MSI2: variants seen among roughly 807,000 people sequenced by gnomAD.
MSI2 encodes musashi RNA binding protein 2, also known as RNA-binding protein Musashi homolog 2.
Under a neutral mutation model 45.6 loss-of-function variants are expected in MSI2, and 17 were observed. The ratio of observed to expected loss-of-function variants is 0.37; its 90% CI spans 0.26 to 0.56. The LOEUF is 0.56. MSI2 is among the 20% of genes least tolerant of loss of function. MSI2 has a pLI of 0.77. For synonymous variants in MSI2, 156 were observed against 158.2 expected (o/e 0.99, Z 0.11); for missense variants, 293 against 444.2 (o/e 0.66, Z 3.06).
chr17:57,540,867 T>C (rs4793868), intron 7 of MSI2, among the ~76,000 whole-genome samples: 142,957 of 152,268 alleles, frequency 0.94, 67,231 homozygotes, highest in East Asian at 1. Flanking sequence ...TAGCTTGTTA[T>C]GGCAGCCCTA....
the MSI2 span, among the ~76,000 whole-genome samples, chr17:57,698,930 T>C: frequency 2.0e-5 from 3 of 149,288 alleles, no homozygotes; most frequent in African/African-American, 5.0e-5. Context: ...TGTGTGTGTG[T>C]GTGTGTGTGT....
intron 10 of MSI2, among the ~76,000 whole-genome samples, chr17:57,646,648 G>A (rs572212497): frequency 4.9e-4 from 74 of 152,196 alleles, no homozygotes; most frequent in Non-Finnish European, 7.9e-4. Flanking sequence ...CTGAAGGCTG[G>A]GCTTTGAGGC....
chr17:57,281,626 G>T (rs552952279), intron 5 of MSI2, among the ~76,000 whole-genome samples: 1 of 152,130 alleles, frequency 6.6e-6, no homozygotes, highest in Non-Finnish European at 1.5e-5. Flanking sequence ...GCTTTAAAAA[G>T]CCTTGTTTCC....
At chr17:57,376,168 G>A (rs2083493108) in intron 5 of MSI2, among the ~76,000 whole-genome samples, 1 of 152,184 alleles carries the variant, frequency 6.6e-6, no homozygotes, top group Admixed American at 6.5e-5. Flanking sequence ...TGCTTGGCAG[G>A]TCGTCAAGAC....
chr17:57,585,583 T>C (rs1176566075), intron 7 of MSI2, among the ~76,000 whole-genome samples: 1 of 152,204 alleles, frequency 6.6e-6, no homozygotes, highest in African/African-American at 2.4e-5. Flanking sequence ...ATTAAGTAGA[T>C]TGAAACTCCC....
At chr17:57,440,605 T>G (rs2084782504) in intron 6 of MSI2, 1 of 152,206 alleles carries the variant, frequency 6.6e-6, no homozygotes, top group Non-Finnish European at 1.5e-5. Flanking sequence ...ATTTATAATT[T>G]GGCAGGCTGC....
intron 5 of MSI2, among the ~76,000 whole-genome samples, chr17:57,388,964 T>C (rs1170961041): frequency 6.9e-6 from 1 of 144,498 alleles, no homozygotes; most frequent in Non-Finnish European, 1.5e-5. Flanking sequence ...CCTGCTCTTC[T>C]TCTTCTTCTT....
chr17:57,276,834 G>T (rs1195764319), intron 5 of MSI2, among the ~76,000 whole-genome samples: 1 of 152,040 alleles, frequency 6.6e-6, no homozygotes, highest in Non-Finnish European at 1.5e-5. Flanking sequence ...CCTCATTTTT[G>T]TGCCGAGGCT....
chr17:57,264,163 G>C (rs1194484850), intron 5 of MSI2: 1 of 152,148 alleles, frequency 6.6e-6, no homozygotes, highest in Non-Finnish European at 1.5e-5. Context: ...CATTGTTCCG[G>C]TTGTTGTTTG....
At chr17:57,379,640 C>G (rs920188694) in intron 5 of MSI2, among the ~76,000 whole-genome samples, 30 of 152,258 alleles carry the variant, frequency 2.0e-4, no homozygotes, top group African/African-American at 7.0e-4. Context: ...CACCACAGTC[C>G]CCTCTTGAAA....
chr17:57,352,808 A>G (rs867277722), intron 5 of MSI2, among the ~76,000 whole-genome samples: 1 of 152,322 alleles, frequency 6.6e-6, no homozygotes, highest in African/African-American at 2.4e-5. Context: ...TCTGGCTACC[A>G]GTTTGCCTTG....
At chr17:57,615,858 G>A in intron 8 of MSI2, 112 bp from the exon 9 acceptor site, 1 of 758,546 alleles carries the variant, frequency 1.3e-6, no homozygotes, top group Non-Finnish European at 2.2e-6. Context: ...TATTTTTACA[G>A]TGGGTAAGGA....
chr17:57,414,483 G>C (rs1192683624), intron 6 of MSI2, among the ~76,000 whole-genome samples: 1 of 151,950 alleles, frequency 6.6e-6, no homozygotes, highest in African/African-American at 2.4e-5. Context: ...TCTGCCTCCT[G>C]GGTTCAAGCA....
chr17:57,487,744 G>T (rs1453566758), intron 6 of MSI2, among the ~76,000 whole-genome samples: 1 of 151,360 alleles, frequency 6.6e-6, no homozygotes, highest in Non-Finnish European at 1.5e-5. Flanking sequence ...CCTCTCTCTT[G>T]TCTCTTTAAA....
intron 11 of MSI2, among the ~76,000 whole-genome samples, chr17:57,659,687 G>A (rs919544459): frequency 6.6e-6 from 1 of 151,998 alleles, no homozygotes; most frequent in Admixed American, 6.5e-5. Context: ...GGACACACCT[G>A]CCCCCCAGGA....
rs115004769 is a variant in MSI2, at chr17:57,526,823, T to C, written c.406-2853T>C. On this transcript the variant is annotated intron_variant, in intron 6 of 13. Transcript: ENST00000284073. Reference sequence around the variant, plus strand: ...GTAACGTGTTAATAGAATTTTTCTTTCGTCCTGACACTTTATCTATTCAGG... The same window carrying C: ...GTAACGTGTTAATAGAATTTTTCTTCCGTCCTGACACTTTATCTATTCAGG... Among the ~76,000 whole-genome samples, 443 of 152,278 alleles carry C rather than the reference T, an allele frequency of 2.9e-3. 3 individuals carry two copies. Among genetic ancestry groups the C allele is most frequent in the African/African-American group, 8.5e-3 (352 of 41,542 alleles).
chr17:57,656,585 C>T (rs1264545655), intron 11 of MSI2, among the ~76,000 whole-genome samples: 1 of 152,134 alleles, frequency 6.6e-6, no homozygotes, highest in Non-Finnish European at 1.5e-5. Flanking sequence ...CCTTGGTCTG[C>T]AGACAGGGAA....
At chr17:57,538,965 C>T (rs1376333404) in intron 7 of MSI2, among the ~76,000 whole-genome samples, 2 of 152,134 alleles carry the variant, frequency 1.3e-5, no homozygotes, top group Admixed American at 6.5e-5. Context: ...CTGAAGCTTA[C>T]GTCATTTAAT....
At chr17:57,349,715 A>C (rs867313376) in intron 5 of MSI2, among the ~76,000 whole-genome samples, 7 of 152,260 alleles carry the variant, frequency 4.6e-5, no homozygotes, top group African/African-American at 1.4e-4. Context: ...GGTGCACTGC[A>C]CATGTGTGCT....
Sources: gnomAD v4.1 joint callset for allele counts (sites outside exome capture counted in the v4.1 genomes callset) on GRCh38, gnomAD v4.1.1 for gene constraint, MANE v1.5 for transcripts, NCBI Gene and HGNC (gene_info 2026-07-23, HGNC 2026-07-21) for gene names.